The following BCKDHB variants were observed in gnomAD, a reference collection of about 807,000 sequenced individuals.
BCKDHB encodes the protein 2-oxoisovalerate dehydrogenase subunit beta, mitochondrial.
A neutral mutation model predicts 48.5 loss-of-function variants in BCKDHB; 41 were observed. The ratio of observed to expected loss-of-function variants is 0.85; its 90% CI spans 0.66 to 1.10. The LOEUF is 1.10. Ranked by LOEUF, BCKDHB falls within the 50% of genes least tolerant of loss-of-function variation. BCKDHB has a pLI of 0.00. For synonymous variants in BCKDHB, 201 were observed against 174.8 expected, an observed-to-expected ratio of 1.15 and a Z score of -1.18; for missense variants, 496 against 494.2, an observed-to-expected ratio of 1.00 and a Z score of -0.03.
At chr6:80,438,723 A>G in the BCKDHB span, among the ~76,000 whole-genome samples, 2 of 152,342 alleles carry the variant, frequency 1.3e-5, 1 homozygote, top group South Asian at 4.1e-4. Context: ...AAAATTTAAA[A>G]GCACACATGA....
chr6:80,240,025 G>T (rs1350148195), intron 8 of BCKDHB, among the ~76,000 whole-genome samples: 3 of 152,202 alleles, frequency 2.0e-5, no homozygotes, highest in Non-Finnish European at 4.4e-5. Flanking sequence ...ATAGTTTGAA[G>T]TCAGGTAGCA....
chr6:80,464,542 T>G, the BCKDHB span, among the ~76,000 whole-genome samples: 1 of 152,194 alleles, frequency 6.6e-6, no homozygotes, highest in Non-Finnish European at 1.5e-5. Context: ...TTGCCTTATC[T>G]GAAAAGAAAA....
intron 9 of BCKDHB, among the ~76,000 whole-genome samples, chr6:80,321,026 AC>A (rs2128001649): frequency 6.6e-6 from 1 of 152,276 alleles, no homozygotes; most frequent in African/African-American, 2.4e-5. Flanking sequence ...TACCAAGAAC[AC>A]CCAGGATAGA....
chr6:80,127,168 T>G, intron 1 of BCKDHB: 1 of 278,612 alleles, frequency 3.6e-6, no homozygotes, highest in South Asian at 3.9e-5. Context: ...ATGCCACTGG[T>G]CATGCACATT....
At chr6:80,247,674 G>T (rs1481487038) in intron 8 of BCKDHB, among the ~76,000 whole-genome samples, 1 of 152,162 alleles carries the variant, frequency 6.6e-6, no homozygotes, top group African/African-American at 2.4e-5. Flanking sequence ...ATGCTTTCTG[G>T]AAGGTTGTCA....
At chr6:80,218,710 T>A (rs932188671) in intron 8 of BCKDHB, among the ~76,000 whole-genome samples, 3 of 152,190 alleles carry the variant, frequency 2.0e-5, no homozygotes, top group Admixed American at 2.0e-4. Context: ...TGTAAGAAGA[T>A]GATGTTAATG....
chr6:80,401,242 ATAACT>A, the BCKDHB span, among the ~76,000 whole-genome samples: 9 of 151,934 alleles, frequency 5.9e-5, no homozygotes, highest in Non-Finnish European at 7.4e-5. Context: ...TTAAAAATAA[ATAACT>A]TTATTGGGGT....
chr6:80,426,213 A>G, the BCKDHB span, among the ~76,000 whole-genome samples: 10 of 152,272 alleles, frequency 6.6e-5, no homozygotes, highest in African/African-American at 2.4e-4. Flanking sequence ...GCTCGTATGA[A>G]GATGATTTGA....
the BCKDHB span, among the ~76,000 whole-genome samples, chr6:80,416,151 C>A: frequency 2.7e-5 from 4 of 149,892 alleles, no homozygotes; most frequent in Non-Finnish European, 4.4e-5. Context: ...GTGTATTTGT[C>A]TTCTCTCTTT....
intron 9 of BCKDHB, among the ~76,000 whole-genome samples, chr6:80,300,359 A>G (rs1267763214): frequency 6.6e-6 from 1 of 152,180 alleles, no homozygotes; most frequent in Non-Finnish European, 1.5e-5. Flanking sequence ...GGCAGGAGCC[A>G]CTATTCTTAT....
the BCKDHB span, among the ~76,000 whole-genome samples, chr6:80,407,792 A>G: frequency 4.6e-5 from 7 of 152,290 alleles, no homozygotes; most frequent in Non-Finnish European, 7.4e-5. Flanking sequence ...CAGTCATGTC[A>G]TCTGCAAACA....
intron 3 of BCKDHB, among the ~76,000 whole-genome samples, chr6:80,158,834 C>A (rs1217798213): frequency 1.3e-5 from 2 of 152,188 alleles, no homozygotes; most frequent in Non-Finnish European, 2.9e-5. Flanking sequence ...ACCAAGGCAA[C>A]ATGGTGGGTG....
chr6:80,331,862 A>T (rs1320261440), intron 9 of BCKDHB, among the ~76,000 whole-genome samples: 1 of 152,178 alleles, frequency 6.6e-6, no homozygotes, highest in Non-Finnish European at 1.5e-5. Context: ...ACTTGAGCTT[A>T]ATTAGATTTG....
the BCKDHB span, among the ~76,000 whole-genome samples, chr6:80,424,767 C>A: frequency 6.6e-6 from 1 of 152,136 alleles, no homozygotes; most frequent in South Asian, 2.1e-4. Flanking sequence ...CTACAGAAAG[C>A]AATTAGAATT....
At chr6:80,286,897 A>G (rs1241525705) in intron 9 of BCKDHB, among the ~76,000 whole-genome samples, 1 of 152,146 alleles carries the variant, frequency 6.6e-6, no homozygotes, top group African/African-American at 2.4e-5. Context: ...TGATTTTATT[A>G]CATTTGCATT....
chr6:80,290,369 A>G (rs1342301595), intron 9 of BCKDHB, among the ~76,000 whole-genome samples: 3 of 152,162 alleles, frequency 2.0e-5, no homozygotes, highest in African/African-American at 7.2e-5. Context: ...ACACCTAACA[A>G]AAGAAACATG....
chr6:80,378,708 G>A, the BCKDHB span, among the ~76,000 whole-genome samples: 1,357 of 152,034 alleles, frequency 8.9e-3, 23 homozygotes, highest in African/African-American at 0.03. Flanking sequence ...TTGGGATATC[G>A]CCATACTGTT....
intron 1 of BCKDHB, among the ~76,000 whole-genome samples, chr6:80,118,651 A>G (rs1408946395): frequency 6.6e-6 from 1 of 152,196 alleles, no homozygotes; most frequent in African/African-American, 2.4e-5. Flanking sequence ...CAGAATTGAA[A>G]TCAATTCTCC....
chr6:80,409,011 G>A, the BCKDHB span, among the ~76,000 whole-genome samples: 2 of 152,086 alleles, frequency 1.3e-5, no homozygotes, highest in East Asian at 3.9e-4. Flanking sequence ...CGGGCATTTA[G>A]TGCTATAAAT....
Sources: gnomAD v4.1 joint callset for allele counts (sites outside exome capture counted in the v4.1 genomes callset) on GRCh38, gnomAD v4.1.1 for gene constraint, MANE v1.5 for transcripts, NCBI Gene and HGNC (gene_info 2026-07-23, HGNC 2026-07-21) for gene names.